The following CSNK2A2IP variants were observed in gnomAD, a reference collection of about 807,000 sequenced individuals.
CSNK2A2IP encodes the protein casein kinase 2 subunit alpha' interacting protein.
the CSNK2A2IP span, among the ~76,000 whole-genome samples, chr3:88,349,715 T>G: frequency 6.6e-6 from 1 of 152,102 alleles, no homozygotes; most frequent in Admixed American, 6.6e-5. Flanking sequence ...CTCCATACTG[T>G]TTTCCATACT....
the CSNK2A2IP span, among the ~76,000 whole-genome samples, chr3:88,442,697 C>T: frequency 6.6e-6 from 1 of 151,848 alleles, no homozygotes; most frequent in Non-Finnish European, 1.5e-5. Flanking sequence ...AAATCATCTT[C>T]CCAAGATCAT....
At chr3:88,375,761 C>T in the CSNK2A2IP span, among the ~76,000 whole-genome samples, 3 of 151,774 alleles carry the variant, frequency 2.0e-5, no homozygotes, top group African/African-American at 7.2e-5. Context: ...TTCTCAATAA[C>T]TTTTCCAAAA....
the CSNK2A2IP span, among the ~76,000 whole-genome samples, chr3:88,448,255 T>C: frequency 1.3e-5 from 2 of 152,212 alleles, no homozygotes; most frequent in Non-Finnish European, 2.9e-5. Context: ...GTTTGATTCC[T>C]ATGCAAAGAG....
chr3:88,359,767 G>GT, the CSNK2A2IP span, among the ~76,000 whole-genome samples: 6 of 152,216 alleles, frequency 3.9e-5, no homozygotes, highest in Admixed American at 2.0e-4. Context: ...TTTTAAAGAT[G>GT]TTTTTTGTGG....
chr3:88,366,979 C>G, the CSNK2A2IP span, among the ~76,000 whole-genome samples: 1 of 152,006 alleles, frequency 6.6e-6, no homozygotes, highest in African/African-American at 2.4e-5. Context: ...GAGACTTATT[C>G]ACTACCATGA....
At chr3:88,403,127 T>C in the CSNK2A2IP span, among the ~76,000 whole-genome samples, 1 of 152,082 alleles carries the variant, frequency 6.6e-6, no homozygotes, top group Admixed American at 6.6e-5. Context: ...TCAGACAATT[T>C]ACCTATATTC....
At chr3:88,407,677 T>C in the CSNK2A2IP span, among the ~76,000 whole-genome samples, 1 of 152,138 alleles carries the variant, frequency 6.6e-6, no homozygotes, top group Non-Finnish European at 1.5e-5. Context: ...AAAGGTGACA[T>C]TCTTTGGAAG....
chr3:88,408,295 A>T, the CSNK2A2IP span, among the ~76,000 whole-genome samples: 1 of 152,118 alleles, frequency 6.6e-6, no homozygotes, highest in Non-Finnish European at 1.5e-5. Context: ...TGTTACCGCA[A>T]GTCTGACAAC....
the CSNK2A2IP span, among the ~76,000 whole-genome samples, chr3:88,438,330 G>A: frequency 6.6e-6 from 1 of 152,122 alleles, no homozygotes. Flanking sequence ...AAGGGCCTTA[G>A]AAGCAAAGCC....
chr3:88,466,033 T>C, the CSNK2A2IP span: 9 of 1,231,564 alleles, frequency 7.3e-6, no homozygotes, highest in African/African-American at 9.3e-5. Context: ...AACATCCTCA[T>C]TGGACTACCT....
chr3:88,441,950 C>T, the CSNK2A2IP span, among the ~76,000 whole-genome samples: 7 of 151,726 alleles, frequency 4.6e-5, no homozygotes, highest in Non-Finnish European at 7.4e-5. Context: ...AAAACAGAAG[C>T]GAAGTTTAGA....
At chr3:88,439,866 C>G in the CSNK2A2IP span, among the ~76,000 whole-genome samples, 1 of 152,048 alleles carries the variant, frequency 6.6e-6, no homozygotes. Context: ...TGGAAGCTGA[C>G]CTCCGGTTTA....
chr3:88,400,387 AGGGGT>A, the CSNK2A2IP span, among the ~76,000 whole-genome samples: 1 of 152,078 alleles, frequency 6.6e-6, no homozygotes, highest in Non-Finnish European at 1.5e-5. Context: ...AACAGGAGAA[AGGGGT>A]GGTAGGCAGA....
the CSNK2A2IP span, among the ~76,000 whole-genome samples, chr3:88,342,159 G>A: frequency 0.1 from 15,310 of 151,938 alleles, 892 homozygotes; most frequent in East Asian, 0.22. Flanking sequence ...ATAGGTATAT[G>A]CCTTCAGAGT....
chr3:88,372,064 GA>G, the CSNK2A2IP span, among the ~76,000 whole-genome samples: 2 of 151,516 alleles, frequency 1.3e-5, no homozygotes, highest in African/African-American at 4.8e-5. Context: ...AGTCATAAAG[GA>G]AAGAACAAAA....
At chr3:88,460,853 C>G in the CSNK2A2IP span, among the ~76,000 whole-genome samples, 9 of 152,122 alleles carry the variant, frequency 5.9e-5, no homozygotes, top group South Asian at 1.9e-3. Context: ...TTTGGGAGGC[C>G]AAGGCGGGTA....
the CSNK2A2IP span, among the ~76,000 whole-genome samples, chr3:88,352,224 C>CTATCTATCTAT: frequency 1.3e-4 from 20 of 151,688 alleles, no homozygotes; most frequent in African/African-American, 4.1e-4. Context: ...CATCTATCTA[C>CTATCTATCTAT]CTATCTATCT....
At chr3:88,406,709 G>T in the CSNK2A2IP span, among the ~76,000 whole-genome samples, 1 of 152,138 alleles carries the variant, frequency 6.6e-6, no homozygotes, top group Non-Finnish European at 1.5e-5. Context: ...TGGCTAGAAG[G>T]TGTTTTCTTT....
the CSNK2A2IP span, chr3:88,465,770 C>T: frequency 8.1e-7 from 1 of 1,231,672 alleles, no homozygotes; most frequent in Non-Finnish European, 1.0e-6. Flanking sequence ...CTCAACATGA[C>T]ATCATCACTG....
Sources: gnomAD v4.1 joint callset for allele counts (sites outside exome capture counted in the v4.1 genomes callset) on GRCh38, gnomAD v4.1.1 for gene constraint, MANE v1.5 for transcripts, NCBI Gene and HGNC (gene_info 2026-07-23, HGNC 2026-07-21) for gene names.